The following SHLD2 variants were observed in gnomAD, a reference collection of about 807,000 sequenced individuals.
SHLD2 encodes the protein shieldin complex subunit 2.
SHLD2 carries 30 observed loss-of-function variants against 73.2 expected under a neutral mutation model. The ratio of observed to expected loss-of-function variants is 0.41; its 90% CI spans 0.31 to 0.56. SHLD2 has a LOEUF of 0.56. Ranked by LOEUF, SHLD2 falls within the 20% of genes least tolerant of loss-of-function variation. The pLI is 0.28. For synonymous variants in SHLD2, 285 were observed against 370.1 expected (o/e 0.77, Z 2.64); for missense variants, 745 against 1,055.9 (o/e 0.71, Z 4.08).
intron 2 of SHLD2, among the ~76,000 whole-genome samples, chr10:87,136,205 C>T (rs1844787639): frequency 6.6e-6 from 1 of 152,006 alleles, no homozygotes; most frequent in Non-Finnish European, 1.5e-5. Context: ...GCTTTGGCCA[C>T]TGGGAGCTCT....
At chr10:87,111,616 GGTT>G (rs1016546838) in intron 2 of SHLD2, among the ~76,000 whole-genome samples, 1 of 148,180 alleles carries the variant, frequency 6.7e-6, no homozygotes, top group African/African-American at 2.5e-5. Context: ...ACCCCAGCCT[GGTT>G]GACAGGGCAA....
At chr10:87,098,501 G>A (rs1202866684) in intron 2 of SHLD2, among the ~76,000 whole-genome samples, 5 of 132,224 alleles carry the variant, frequency 3.8e-5, no homozygotes, top group East Asian at 2.3e-4. Context: ...TAACAAGAAT[G>A]AAACTCCATC....
At chr10:87,173,403 C>T (rs937377898) in intron 6 of SHLD2, among the ~76,000 whole-genome samples, 90 of 151,894 alleles carry the variant, frequency 5.9e-4, no homozygotes, top group Non-Finnish European at 1.8e-4. Flanking sequence ...CTGTTACCTC[C>T]CTTGTCTTTA....
intron 2 of SHLD2, among the ~76,000 whole-genome samples, chr10:87,143,120 G>A (rs1248453311): frequency 6.6e-6 from 1 of 150,824 alleles, no homozygotes; most frequent in African/African-American, 2.4e-5. Flanking sequence ...TTTTTGTAGC[G>A]ACATAGTCTT....
At position 87,187,169 on chromosome 10, in the gene SHLD2, C is replaced by T. The variant is rs1372633403; in HGVS notation, c.2484C>T (p.Asn828=). Reference sequence around the variant, plus strand: ...AGCTGATAGAGAAGATTCTTCTCAACATTTCTGCAGACTGCCTCAACAGAG... The same window carrying T: ...AGCTGATAGAGAAGATTCTTCTCAATATTTCTGCAGACTGCCTCAACAGAG... ...ESKLIEKILL[N]ISADCLNRVI... The change falls in exon 9 of 10, where the codon AAC becomes AAT. Residue 828 remains asparagine (N), a synonymous_variant. Transcript: ENST00000298786. 1 of 1,611,506 alleles carries T rather than the reference C, an allele frequency of 6.2e-7. No individual in the cohort carries two copies. Among genetic ancestry groups the T allele is most frequent in the African/African-American group, 1.3e-5 (1 of 74,844 alleles).
intron 2 of SHLD2, among the ~76,000 whole-genome samples, chr10:87,150,213 G>A (rs1845915368): frequency 6.6e-6 from 1 of 151,390 alleles, no homozygotes; most frequent in African/African-American, 2.4e-5. Flanking sequence ...TTTAGGCACG[G>A]GCCATCACAG....
rs1402527986 is a variant in SHLD2, at chr10:87,191,311, C to T, written c.*628C>T. On this transcript the variant is annotated 3_prime_UTR_variant, in exon 10 of 10. Transcript: ENST00000298786. Reference sequence around the variant, plus strand: ...AATGCATTTACCAGCAAACATGTAGCAATCTGTTCTCTCATTGTGATTGTG... The same window carrying T: ...AATGCATTTACCAGCAAACATGTAGTAATCTGTTCTCTCATTGTGATTGTG... 1 of 156,184 alleles carries T rather than the reference C, an allele frequency of 6.4e-6. No homozygotes were observed. Among genetic ancestry groups the T allele is most frequent in the Non-Finnish European group, 1.4e-5 (1 of 70,380 alleles). 9.7% of individuals were successfully genotyped at this position (156,184 alleles called of 1,614,324 possible).
intron 2 of SHLD2, among the ~76,000 whole-genome samples, chr10:87,139,761 G>A (rs1241545661): frequency 1.3e-5 from 2 of 152,228 alleles, no homozygotes; most frequent in South Asian, 2.1e-4. Context: ...GGAGGCAGAG[G>A]TTGCAGTGAG....
intron 2 of SHLD2, among the ~76,000 whole-genome samples, chr10:87,116,843 T>A (rs1266084661): frequency 6.6e-6 from 1 of 152,196 alleles, no homozygotes; most frequent in African/African-American, 2.4e-5. Flanking sequence ...ATTTTATGTG[T>A]CAGTGTGACA....
At chr10:87,171,388 G>A (rs1371558907) in intron 6 of SHLD2, among the ~76,000 whole-genome samples, 1 of 152,022 alleles carries the variant, frequency 6.6e-6, no homozygotes, top group East Asian at 1.9e-4. Context: ...CACAATTAAT[G>A]TTCAATAAAT....
At chr10:87,142,193 A>G (rs1191902700) in intron 2 of SHLD2, among the ~76,000 whole-genome samples, 5 of 152,204 alleles carry the variant, frequency 3.3e-5, no homozygotes, top group African/African-American at 1.2e-4. Flanking sequence ...TTACCCCATC[A>G]TTAAGTTATA....
chr10:87,156,067 CTT>C (rs1223191446), intron 3 of SHLD2, among the ~76,000 whole-genome samples: 96 of 134,884 alleles, frequency 7.1e-4, no homozygotes, highest in African/African-American at 1.8e-3. Context: ...AGAAATCTTC[CTT>C]TTTTTTTTTT....
chr10:87,137,810 T>C (rs1265185373), intron 2 of SHLD2, among the ~76,000 whole-genome samples: 8 of 151,960 alleles, frequency 5.3e-5, no homozygotes, highest in Non-Finnish European at 1.0e-4. Flanking sequence ...AAATTGAAGA[T>C]GGAAGAGATC....
At chr10:87,101,453 G>T (rs1469285448) in intron 2 of SHLD2, among the ~76,000 whole-genome samples, 1 of 152,124 alleles carries the variant, frequency 6.6e-6, no homozygotes, top group African/African-American at 2.4e-5. Flanking sequence ...AAGAGATAGG[G>T]TCTTACTGTG....
At chr10:87,121,419 G>A (rs9421590) in intron 2 of SHLD2, among the ~76,000 whole-genome samples, 19,907 of 152,104 alleles carry the variant, frequency 0.13, 2,201 homozygotes, top group East Asian at 0.63. Flanking sequence ...CACCAAGCCC[G>A]GCCTGAATCC....
intron 6 of SHLD2, among the ~76,000 whole-genome samples, chr10:87,174,016 CT>C (rs112045842): frequency 7.9e-5 from 12 of 152,224 alleles, no homozygotes; most frequent in Middle Eastern, 3.4e-3. Context: ...CTGGCAGAAC[CT>C]TTCTTGAGGA....
At chr10:87,173,625 T>C (rs1847756872) in intron 6 of SHLD2, among the ~76,000 whole-genome samples, 1 of 152,074 alleles carries the variant, frequency 6.6e-6, no homozygotes, top group Admixed American at 6.5e-5. Context: ...AAACAATGAA[T>C]AGTAGAAGAA....
upstream of SHLD2, chr10:87,094,762 C>A: frequency 6.5e-7 from 1 of 1,537,324 alleles, no homozygotes. This position sits in a 1 kb window ranked among gnomAD's most constrained non-coding sequence, Gnocchi z 6.6. Flanking sequence ...GCCCAGGTAG[C>A]GGTACATGGC....
Position 87,099,381 on chromosome 10 carries a change from A to G in SHLD2, c.-6+2392A>G, listed in dbSNP as rs185473181. On this transcript the variant is annotated intron_variant, in intron 2 of 9. Coordinates refer to ENST00000298786, the MANE Select transcript of SHLD2 (RefSeq NM_001330112.2). ...TATACTTTCTACTTTCTGTCTCACT[A>G]AATCAGTCTATTCTGGACTTTTCCT... 5.0e-4 allele frequency among the ~76,000 whole-genome samples: 76 copies of G among 152,362 alleles called. 1 individual carries two copies. Among genetic ancestry groups the G allele is most frequent in the Admixed American group, 4.8e-3 (74 of 15,300 alleles).
Sources: allele counts gnomAD v4.1 joint callset (sites outside exome capture counted in the v4.1 genomes callset), GRCh38; gene constraint gnomAD v4.1.1; non-coding constraint Gnocchi (gnomAD v3.1); transcripts MANE v1.5; gene names NCBI Gene and HGNC (gene_info 2026-07-23, HGNC 2026-07-21).